Variants in PDE4D observed in about 807,000 individuals in gnomAD.
PDE4D encodes the protein phosphodiesterase 4D, also known as 3',5'-cyclic-AMP phosphodiesterase 4D.
PDE4D carries 24 observed loss-of-function variants against 87.4 expected under a neutral mutation model. The ratio of observed to expected loss-of-function variants is 0.27; its 90% CI spans 0.20 to 0.39. The LOEUF (loss-of-function observed/expected upper bound fraction) is 0.39, where lower values mean the gene tolerates loss of function less well. PDE4D is among the 10% of genes least tolerant of loss of function. The pLI, the probability that PDE4D is intolerant of heterozygous loss-of-function variation, is 1.00. For synonymous variants in PDE4D, 384 were observed against 383.2 expected (o/e 1.00, Z -0.02); for missense variants, 714 against 1,041.0 (o/e 0.69, Z 4.32).
At chr5:59,491,141 G>A (rs1018898409) in intron 1 of PDE4D, among the ~76,000 whole-genome samples, 1 of 152,170 alleles carries the variant, frequency 6.6e-6, no homozygotes, top group Non-Finnish European at 1.5e-5. Context: ...CTTGGGAGAT[G>A]ATTATGTATG....
At chr5:60,448,982 T>C (rs578172601) in intron 1 of PDE4D, among the ~76,000 whole-genome samples, 2 of 152,086 alleles carry the variant, frequency 1.3e-5, no homozygotes, top group Non-Finnish European at 1.5e-5. Context: ...AATAAGTTAG[T>C]AGAAAATATT....
rs922140885 is a variant in PDE4D, at chr5:59,893,599, C to A, written c.24G>T (p.Ala8=). MEAEGSS[A]PARAGSGEGS... ...CCTCTCCGCTGCCCGCCCGGGCCGG[C>A]GCGCTGCTGCCCTCTGCCTCCATCC... Residue 8 remains alanine (A), a synonymous_variant, in exon 1 of 15, where the codon GCG becomes GCT. Coordinates refer to ENST00000340635, the MANE Select transcript of PDE4D (RefSeq NM_001104631.2). 3.4e-5 allele frequency: 52 copies of A among 1,518,884 alleles called. No homozygotes were observed. The highest frequency in any genetic ancestry group is 5.3e-5 in the East Asian group (2 of 37,804). The allele number at this position is 1,518,884 out of a possible 1,614,324, so 94.1% of individuals were successfully genotyped here. A position where few individuals can be genotyped will look rare whatever the true frequency, so the allele number is the denominator to read the frequency against.
intron 1 of PDE4D, among the ~76,000 whole-genome samples, chr5:59,814,511 G>A (rs891040729): frequency 6.6e-6 from 1 of 152,164 alleles, no homozygotes; most frequent in African/African-American, 2.4e-5. Flanking sequence ...ACCTGCCAGT[G>A]AGTCACATGC....
Position 59,180,611 on chromosome 5 carries a change from G to A in PDE4D, c.792C>T (p.Asn264=). 1 of 1,613,416 alleles carries A rather than the reference G, an allele frequency of 6.2e-7. No individual in the cohort carries two copies. The highest frequency in any genetic ancestry group is 8.5e-7 in the Non-Finnish European group (1 of 1,179,624). Reference sequence around the variant, plus strand: ...CTTTCTTACCTGTTATGGTGGCTTTGTTGATGGATGGTTGGTTGCACATGG... The same window carrying A: ...CTTTCTTACCTGTTATGGTGGCTTTATTGATGGATGGTTGGTTGCACATGG... ...RSPMCNQPSI[N]KATITEEAYQ... Residue 264 remains asparagine (N), a synonymous_variant, in exon 5 of 15, where the codon AAC becomes AAT. Coordinates refer to ENST00000340635, the MANE Select transcript of PDE4D (RefSeq NM_001104631.2).
chr5:59,133,719 C>T (rs1185476402), intron 5 of PDE4D, among the ~76,000 whole-genome samples: 1 of 152,160 alleles, frequency 6.6e-6, no homozygotes, highest in Non-Finnish European at 1.5e-5. Flanking sequence ...GCAATTGCCT[C>T]ATGTTTTCCA....
intron 1 of PDE4D, among the ~76,000 whole-genome samples, chr5:60,387,594 C>T (rs554239814): frequency 4.6e-5 from 7 of 152,310 alleles, no homozygotes; most frequent in African/African-American, 1.7e-4. Context: ...CCCTTTGGTG[C>T]TTTTTCCCTG....
intron 4 of PDE4D, among the ~76,000 whole-genome samples, chr5:59,181,063 T>G (rs1741426393): frequency 6.6e-6 from 1 of 152,340 alleles, no homozygotes; most frequent in East Asian, 1.9e-4. Flanking sequence ...GCCTGTACAT[T>G]ATCAGAAGTG....
intron 1 of PDE4D, among the ~76,000 whole-genome samples, chr5:60,393,036 C>T (rs1460061181): frequency 1.3e-5 from 2 of 152,196 alleles, no homozygotes; most frequent in African/African-American, 4.8e-5. Flanking sequence ...AAAATATGCC[C>T]AGTAAACAAA....
rs899107607 is a variant in PDE4D, at chr5:60,269,167, C to T, written c.-89-83480G>A. ...AAAATATTTTAAAAAATTAGCTGGG[C>T]GTGGTGGCACATGCCTGTAGTCCCA... is the stretch of plus-strand genomic sequence containing the variant. On this transcript the variant is annotated intron_variant, in intron 1 of 16. Coordinates refer to the PDE4D transcript ENST00000502484. Among the ~76,000 whole-genome samples, 8 of 152,176 alleles carry T rather than the reference C, an allele frequency of 5.3e-5. 1 individual carries two copies. In the South Asian group the frequency reaches 8.3e-4, roughly 16 times the overall value.
chr5:59,606,331 T>C (rs1828198093), intron 1 of PDE4D, among the ~76,000 whole-genome samples: 1 of 152,150 alleles, frequency 6.6e-6, no homozygotes, highest in Non-Finnish European at 1.5e-5. Context: ...AACAGCACAT[T>C]GGAAATGGCA....
chr5:59,642,845 C>T (rs572323737), intron 1 of PDE4D, among the ~76,000 whole-genome samples: 1 of 152,076 alleles, frequency 6.6e-6, no homozygotes, highest in African/African-American at 2.4e-5. Context: ...AATTTTTGTA[C>T]AATTATTTGT....
At chr5:59,410,887 T>C (rs1792557022) in intron 1 of PDE4D, among the ~76,000 whole-genome samples, 1 of 152,232 alleles carries the variant, frequency 6.6e-6, no homozygotes, top group Non-Finnish European at 1.5e-5. Flanking sequence ...TAAGGCTAAC[T>C]GACAGAGTTC....
At chr5:60,315,438 C>T (rs1755475612) in intron 1 of PDE4D, among the ~76,000 whole-genome samples, 1 of 152,050 alleles carries the variant, frequency 6.6e-6, no homozygotes, top group African/African-American at 2.4e-5. Context: ...CTGTAGGTTG[C>T]CTGTTGACTC....
chr5:59,606,752 C>T (rs1276653330), intron 1 of PDE4D, among the ~76,000 whole-genome samples: 4 of 152,114 alleles, frequency 2.6e-5, no homozygotes, highest in African/African-American at 4.8e-5. Flanking sequence ...CTCATTTAAT[C>T]TTCCACAAAA....
intron 3 of PDE4D, among the ~76,000 whole-genome samples, chr5:59,905,575 C>G (rs1030516855): frequency 6.6e-6 from 1 of 152,036 alleles, no homozygotes; most frequent in South Asian, 2.1e-4. Context: ...GATGTGTAAC[C>G]ACAGATGGGT....
At chr5:59,768,236 G>C in intron 1 of PDE4D, 2 of 1,597,882 alleles carry the variant, frequency 1.3e-6, no homozygotes, top group Non-Finnish European at 1.7e-6. Context: ...CGAGGTCTGC[G>C]CAAACCTTAC....
At chr5:59,206,632 A>G (rs1342242811) in intron 2 of PDE4D, among the ~76,000 whole-genome samples, 1 of 152,216 alleles carries the variant, frequency 6.6e-6, no homozygotes, top group East Asian at 1.9e-4. Flanking sequence ...AAATTAAATA[A>G]AGACAAGAAT....
chr5:60,469,432 C>G (rs987009407), intron 1 of PDE4D, among the ~76,000 whole-genome samples: 1 of 152,182 alleles, frequency 6.6e-6, no homozygotes, highest in African/African-American at 2.4e-5. Flanking sequence ...CTGCATACAT[C>G]ACATGTCTTC....
At chr5:60,494,003 T>C (rs1289936702) in intron 1 of PDE4D, among the ~76,000 whole-genome samples, 1 of 152,208 alleles carries the variant, frequency 6.6e-6, no homozygotes, top group Non-Finnish European at 1.5e-5. Flanking sequence ...GGGTACTTTC[T>C]GCAAGATTAA....
Sources: allele counts gnomAD v4.1 joint callset (sites outside exome capture counted in the v4.1 genomes callset), GRCh38; gene constraint gnomAD v4.1.1; transcripts MANE v1.5; gene names NCBI Gene and HGNC (gene_info 2026-07-23, HGNC 2026-07-21).